Variants in TAF5L observed in about 807,000 individuals in gnomAD.
The protein encoded by TAF5L is TAF5-like RNA polymerase II p300/CBP-associated factor-associated factor 65 kDa subunit 5L.
Under a neutral mutation model 51.3 loss-of-function variants are expected in TAF5L, and 7 were observed. That is an observed-to-expected ratio of 0.14 (90% confidence interval 0.08 to 0.26). The LOEUF is 0.26. TAF5L is among the 10% of genes least tolerant of loss of function. TAF5L has a pLI of 1.00. For synonymous variants in TAF5L, 291 were observed against 308.1 expected (o/e 0.94, Z 0.58); for missense variants, 575 against 758.9 (o/e 0.76, Z 2.85).
chr1:229,594,506 C>T lies in TAF5L; in HGVS notation c.1561G>A (p.Asp521Asn). 6.2e-7 allele frequency: 1 copy of T among 1,614,148 alleles called. No homozygotes were observed. The highest frequency in any genetic ancestry group is 2.2e-5 in the East Asian group (1 of 44,878). The change falls in exon 5 of 5, where the codon GAC becomes AAC. Residue 521 changes from aspartate to asparagine, a missense_variant. By Grantham distance (23) the Asp-to-Asn change is conservative (BLOSUM62 1). Coordinates refer to ENST00000258281, the Ensembl canonical transcript of TAF5L. The surrounding 1 kb of genome is among the most constrained non-coding windows in gnomAD (Gnocchi z 7.9). ...GAGGCAGAGGCAATCAAGCCGCTGT[C>T]TGGACTGAAGGTGAGGCTGGTGATA...
At chr1:229,599,949 A>G (rs1664305949) in intron 4 of TAF5L, 2 of 985,470 alleles carry the variant, frequency 2.0e-6, no homozygotes, top group Non-Finnish European at 2.4e-6. Context: ...TGTACTTTCT[A>G]TCATCTCATT....
rs1008616094 is a variant in TAF5L at position 229,601,851 on chromosome 1, T to G, written c.972+344A>C. ...TATCCTACTACCGATTATTTGTACC[T>G]GAGCAAATGTGCACACACATAAGTG... On this transcript the variant is annotated intron_variant, in intron 4 of 4. Coordinates refer to ENST00000258281, the Ensembl canonical transcript of TAF5L. The G allele has an allele frequency of 4.8e-6, 5 of 1,051,026 alleles. No individual in the cohort carries two copies. The Admixed American group carries it at 2.5e-4, about 52-fold the overall frequency. 65.1% of individuals were successfully genotyped at this position (1,051,026 alleles called of 1,614,324 possible). A position where few individuals can be genotyped will look rare whatever the true frequency, so the allele number is the denominator to read the frequency against.
chr1:229,606,438 C>A lies in TAF5L; in HGVS notation c.248-3519G>T, dbSNP rs187724232. The stretch of plus-strand genomic sequence containing the variant: ...CCTACCTGGTGCCCAACTCTACTGG[C>A]GGTAAATGAGAGAACAATGGAGTTT... On this transcript the variant is annotated intron_variant, in intron 3 of 4. Coordinates refer to ENST00000258281, the Ensembl canonical transcript of TAF5L. The A allele has an allele frequency of 6.1e-6, 6 of 985,310 alleles. No homozygotes were observed. The East Asian group carries it at 4.5e-4, about 75-fold the overall frequency. The allele number at this position is 985,310 out of a possible 1,614,324, so 61.0% of individuals were successfully genotyped here.
chr1:229,600,386 G>A, intron 4 of TAF5L: 1 of 985,388 alleles, frequency 1.0e-6, no homozygotes, highest in Non-Finnish European at 1.2e-6. Context: ...GAACCATGAT[G>A]GAAAGCCAGA....
intron 3 of TAF5L, chr1:229,606,845 T>C: frequency 1.0e-6 from 1 of 985,404 alleles, no homozygotes; most frequent in East Asian, 1.1e-4. Flanking sequence ...CGGCAATAGG[T>C]GAGCTCACAG....
intron 1 of TAF5L, among the ~76,000 whole-genome samples, chr1:229,620,956 A>G (rs1257047703): frequency 2.0e-5 from 3 of 149,904 alleles, no homozygotes; most frequent in East Asian, 2.0e-4. Flanking sequence ...TAAAACATTT[A>G]TGTGTGTGTG....
At chr1:229,609,448 G>T (rs1372664791) in intron 3 of TAF5L, among the ~76,000 whole-genome samples, 1 of 152,162 alleles carries the variant, frequency 6.6e-6, no homozygotes, top group African/African-American at 2.4e-5. Flanking sequence ...AGTTATCCTG[G>T]TGTAAATTTT....
intron 2 of TAF5L, 46 bp downstream of exon 2, chr1:229,614,295 T>C (rs1265662161): frequency 2.5e-6 from 4 of 1,614,028 alleles, no homozygotes; most frequent in Non-Finnish European, 3.4e-6. Flanking sequence ...TTGACGTGAG[T>C]TCTCCTGCTC....
At chr1:229,614,524 G>C (rs545387398) in intron 1 of TAF5L, 39 bp from the exon 2 acceptor site, 3 of 1,606,464 alleles carry the variant, frequency 1.9e-6, no homozygotes, top group Non-Finnish European at 2.6e-6. Context: ...AGACATCAGG[G>C]GCCTGGGAGA....
intron 1 of TAF5L, 75 bp from the exon 2 acceptor site, chr1:229,614,560 A>G: frequency 6.4e-7 from 1 of 1,571,242 alleles, no homozygotes; most frequent in South Asian, 1.2e-5. Context: ...GCACCATCGC[A>G]GATGGGTAGG....
chr1:229,622,076 GATAT>G (rs1665227514), intron 1 of TAF5L, among the ~76,000 whole-genome samples: 2 of 151,044 alleles, frequency 1.3e-5, no homozygotes, highest in Non-Finnish European at 2.9e-5. Context: ...TATACAGATA[GATAT>G]ATATAGATAT....
Position 229,602,591 on chromosome 1 carries a change from G to A in TAF5L, c.576C>T (p.Thr192=). 1 of 1,614,202 alleles carries A rather than the reference G, an allele frequency of 6.2e-7. No individual in the cohort carries two copies. The highest frequency in any genetic ancestry group is 8.5e-7 in the Non-Finnish European group (1 of 1,180,038). The change falls in exon 4 of 5, where the codon ACC becomes ACT. Residue 192 remains threonine (T), a synonymous_variant. Transcript: ENST00000258281. This position sits in a 1 kb window ranked among gnomAD's most constrained non-coding sequence, Gnocchi z 4.6. The stretch of plus-strand genomic sequence containing the variant: ...GCTGCACGTCAAGATGAATATGTAA[G>A]GTGAGGACTTTGCACAGGGCAGTAT...
intron 1 of TAF5L, among the ~76,000 whole-genome samples, chr1:229,622,664 GC>G (rs1459914411): frequency 1.3e-5 from 2 of 152,216 alleles, no homozygotes; most frequent in Non-Finnish European, 2.9e-5. Flanking sequence ...AGGCTGGAGT[GC>G]AGTGGCACAA....
chr1:229,620,649 G>A (rs574328798), intron 1 of TAF5L, among the ~76,000 whole-genome samples: 7 of 152,240 alleles, frequency 4.6e-5, no homozygotes, highest in African/African-American at 1.4e-4. Flanking sequence ...TTTTAAGCTC[G>A]TGATCTTTTT....
chr1:229,599,480 CTCTCTG>C, intron 4 of TAF5L: 1 of 155,646 alleles, frequency 6.4e-6, no homozygotes, highest in Admixed American at 6.5e-5. Flanking sequence ...CACTCCTCTC[CTCTCTG>C]TCTCTATGGA....
intron 3 of TAF5L, chr1:229,606,116 T>G: frequency 1.0e-6 from 1 of 985,028 alleles, no homozygotes; most frequent in Non-Finnish European, 1.2e-6. Context: ...CTTTAAAACT[T>G]ACTGAAATTC....
At chr1:229,619,323 T>C (rs1436853280) in intron 1 of TAF5L, among the ~76,000 whole-genome samples, 1 of 152,212 alleles carries the variant, frequency 6.6e-6, no homozygotes, top group Non-Finnish European at 1.5e-5. Context: ...ATGATAGCCT[T>C]TCATATTCAA....
At chr1:229,599,293 A>T in intron 4 of TAF5L, 1 of 654,616 alleles carries the variant, frequency 1.5e-6, no homozygotes, top group Non-Finnish European at 1.9e-6. Flanking sequence ...TTTTAAACTG[A>T]GATATAATTA....
At chr1:229,597,559 G>A (rs541556610) in intron 4 of TAF5L, among the ~76,000 whole-genome samples, 2 of 152,172 alleles carry the variant, frequency 1.3e-5, no homozygotes, top group East Asian at 1.9e-4. Flanking sequence ...GCCTCAGCAC[G>A]GTCGAGCAGC....
Sources: gnomAD v4.1 joint callset for allele counts (sites outside exome capture counted in the v4.1 genomes callset) on GRCh38, gnomAD v4.1.1 for gene constraint, Gnocchi (gnomAD v3.1) non-coding constraint, MANE v1.5 for transcripts, NCBI Gene and HGNC (gene_info 2026-07-23, HGNC 2026-07-21) for gene names.